PARPBP: variants seen among roughly 807,000 people sequenced by gnomAD.
The protein encoded by PARPBP is PCNA-interacting partner.
In PARPBP, 52 loss-of-function variants were observed where a neutral mutation model predicts 50.0. The observed-to-expected ratio is 1.04, with a 90% CI of 0.83 to 1.31. The LOEUF (loss-of-function observed/expected upper bound fraction) is 1.31. Ranked by LOEUF, PARPBP falls within the 50% of genes most tolerant of loss-of-function variation. The pLI is 0.00. For missense variants in PARPBP, 697 were observed against 672.0 expected, an observed-to-expected ratio of 1.04 and a Z score of -0.41; for synonymous variants, 244 against 232.1, an observed-to-expected ratio of 1.05 and a Z score of -0.47.
At position 102,196,349 on chromosome 12, in the gene PARPBP, C is replaced by T; in HGVS notation, c.*58C>T. 3 of 1,147,646 alleles carry T rather than the reference C, an allele frequency of 2.6e-6. No individual in the cohort carries two copies. The highest frequency in any genetic ancestry group is 3.7e-6 in the Non-Finnish European group (3 of 802,654). 71.1% of individuals were successfully genotyped at this position (1,147,646 alleles called of 1,614,324 possible). On this transcript the variant is annotated 3_prime_UTR_variant, in exon 11 of 11. Coordinates refer to ENST00000327680, the MANE Select transcript of PARPBP (RefSeq NM_017915.5). ...CTATAAACCATTCACCAAAGACATG[C>T]TTAATTTTTAAGAGATCAAGGTGTA...
intron 2 of PARPBP, among the ~76,000 whole-genome samples, chr12:102,146,568 T>A (rs963389462): frequency 8.5e-5 from 13 of 152,236 alleles, no homozygotes; most frequent in East Asian, 7.7e-4. Flanking sequence ...AAATTAATTC[T>A]AGATGGATTA....
intron 9 of PARPBP, among the ~76,000 whole-genome samples, chr12:102,193,645 T>C (rs1014210317): frequency 6.6e-6 from 1 of 152,116 alleles, no homozygotes; most frequent in African/African-American, 2.4e-5. Flanking sequence ...TCATGGATAA[T>C]GCTACTATTA....
chr12:102,148,371 T>C lies in PARPBP; in HGVS notation c.295T>C (p.Leu99=). 6.3e-7 allele frequency: 1 copy of C among 1,588,998 alleles called. No homozygotes were observed. The highest frequency in any genetic ancestry group is 2.2e-5 in the East Asian group (1 of 44,622). The part of the protein sequence containing the change: ...EDVRKIYDDF[L]KNSNMLDLID... Reference sequence around the variant, plus strand: ...CGTTAGGAAGATTTATGATGATTTCTTGAAGAACAGTAATATGTTAGATCT... The same window carrying C: ...CGTTAGGAAGATTTATGATGATTTCCTGAAGAACAGTAATATGTTAGATCT... The change falls in exon 3 of 11, where the codon TTG becomes CTG. Residue 99 remains leucine (L), a synonymous_variant. Coordinates refer to ENST00000327680, the MANE Select transcript of PARPBP (RefSeq NM_017915.5).
chr12:102,185,306 T>A (rs1363814583), intron 9 of PARPBP, among the ~76,000 whole-genome samples: 1 of 152,338 alleles, frequency 6.6e-6, no homozygotes, highest in Admixed American at 6.5e-5. Flanking sequence ...TTTTGTCCGT[T>A]ATTCTGTTGA....
intron 3 of PARPBP, 33 bp downstream of exon 3, chr12:102,148,496 A>T (rs756460503): frequency 4.9e-6 from 4 of 818,400 alleles, no homozygotes; most frequent in Non-Finnish European, 7.6e-6. Flanking sequence ...TATTTTAATC[A>T]AATTAAAATT....
At chr12:102,135,325 A>G (rs532632218) in intron 2 of PARPBP, among the ~76,000 whole-genome samples, 2 of 152,106 alleles carry the variant, frequency 1.3e-5, no homozygotes, top group South Asian at 4.2e-4. Context: ...TGGGTGGATC[A>G]CTAGGTCAGG....
intron 8 of PARPBP, among the ~76,000 whole-genome samples, chr12:102,180,759 T>C (rs908569202): frequency 6.6e-6 from 1 of 152,186 alleles, no homozygotes; most frequent in Non-Finnish European, 1.5e-5. Context: ...CACATTGCTA[T>C]TGTTCACAGT....
intron 6 of PARPBP, among the ~76,000 whole-genome samples, chr12:102,167,387 A>G (rs1159671200): frequency 1.3e-5 from 2 of 152,044 alleles, no homozygotes; most frequent in Admixed American, 1.3e-4. Flanking sequence ...TGTTTTATCT[A>G]GATTGGATGC....
At chr12:102,131,063 G>A (rs1882784050) in intron 2 of PARPBP, among the ~76,000 whole-genome samples, 2 of 151,996 alleles carry the variant, frequency 1.3e-5, no homozygotes, top group Non-Finnish European at 2.9e-5. Flanking sequence ...AGTGGCTCAC[G>A]CCTATAATCC....
intron 6 of PARPBP, among the ~76,000 whole-genome samples, chr12:102,171,501 A>G (rs1888725899): frequency 6.6e-6 from 1 of 152,148 alleles, no homozygotes; most frequent in South Asian, 2.1e-4. Context: ...GGCTAAATAT[A>G]CATGTTTGGA....
Position 102,164,625 on chromosome 12 carries a change from T to G in PARPBP, c.666+17T>G, listed in dbSNP as rs1565886051. 1 of 1,609,964 alleles carries G rather than the reference T, an allele frequency of 6.2e-7. No individual in the cohort carries two copies. Among genetic ancestry groups the G allele is most frequent in the Admixed American group, 1.7e-5 (1 of 59,990 alleles). ...ATCTTTTTGGTATGGTTGTGTGACA[T>G]GTTCAAAATTAAGACTCCTTGCACA... On this transcript the variant is annotated intron_variant, in intron 5 of 10. Coordinates refer to ENST00000327680, the MANE Select transcript of PARPBP (RefSeq NM_017915.5).
intron 2 of PARPBP, among the ~76,000 whole-genome samples, chr12:102,142,671 G>A (rs1217770945): frequency 6.6e-6 from 1 of 152,134 alleles, no homozygotes; most frequent in Non-Finnish European, 1.5e-5. Context: ...ATGAGGTTTG[G>A]TGTGGATGTC....
rs551761248 is a variant in PARPBP, at chr12:102,150,814, T to C, written c.387+2351T>C. On this transcript the variant is annotated intron_variant, in intron 3 of 10. Transcript: ENST00000327680. ...TGGGGGAAGGTCAGCAAATGACCTC[T>C]GTAGGTACGCTCATATTCCCTGACC... 8.5e-5 allele frequency among the ~76,000 whole-genome samples: 13 copies of C among 152,324 alleles called. No individual in the cohort carries two copies. The South Asian group carries it at 2.3e-3, about 27-fold the overall frequency.
intron 4 of PARPBP, chr12:102,154,972 A>G: frequency 5.8e-6 from 2 of 343,940 alleles, no homozygotes; most frequent in South Asian, 2.4e-5. Context: ...ATCTTAAACC[A>G]GAGACTCCTT....
At chr12:102,187,473 A>G (rs1286856835) in intron 9 of PARPBP, among the ~76,000 whole-genome samples, 1 of 152,158 alleles carries the variant, frequency 6.6e-6, no homozygotes, top group African/African-American at 2.4e-5. Context: ...CTCTAGTTCT[A>G]TCTACTGAAT....
intron 2 of PARPBP, among the ~76,000 whole-genome samples, chr12:102,140,473 C>G (rs138879744): frequency 2.2e-3 from 341 of 152,046 alleles, no homozygotes; most frequent in African/African-American, 7.6e-3. Flanking sequence ...TTTTTTGTGT[C>G]TCTATTTCCT....
intron 3 of PARPBP, 59 bp downstream of exon 3, chr12:102,148,522 T>A: frequency 1.5e-6 from 1 of 648,238 alleles, no homozygotes; most frequent in Non-Finnish European, 2.5e-6. Context: ...CTATTTATTT[T>A]GAATTATAGT....
At position 102,158,061 on chromosome 12, in the gene PARPBP, C is replaced by T. The variant is rs1238199764; in HGVS notation, c.495+4085C>T. On this transcript the variant is annotated intron_variant, in intron 4 of 10. Transcript: ENST00000327680. ...CGTGAACCTGGGAGGCGGGAGCTTG[C>T]AGTGAGCCGAGATGGTGCCACTGCA... Among the ~76,000 whole-genome samples, 5 of 136,866 alleles carry T rather than the reference C, an allele frequency of 3.7e-5. No homozygotes were observed. In the East Asian group the frequency reaches 8.6e-4, roughly 24 times the overall value. The allele number at this position is 136,866 out of a possible 152,430, so 89.8% of individuals were successfully genotyped here. A position where few individuals can be genotyped will look rare whatever the true frequency, so the allele number is the denominator to read the frequency against.
chr12:102,162,081 G>A (rs10860841), intron 4 of PARPBP, among the ~76,000 whole-genome samples: 43,575 of 151,882 alleles, frequency 0.29, 6,683 homozygotes, highest in East Asian at 0.42. Context: ...TTTTGCATGG[G>A]AACTTAAACA....
Sources: allele counts gnomAD v4.1 joint callset (sites outside exome capture counted in the v4.1 genomes callset), GRCh38; gene constraint gnomAD v4.1.1; transcripts MANE v1.5; gene names NCBI Gene and HGNC (gene_info 2026-07-23, HGNC 2026-07-21).